Variants in RPS6KA3 observed in about 807,000 individuals in gnomAD.
RPS6KA3 encodes ribosomal protein S6 kinase alpha-3.
A neutral mutation model predicts 67.2 loss-of-function variants in RPS6KA3; 4 were observed. That is an observed-to-expected ratio of 0.06 (90% CI 0.03 to 0.14). The LOEUF is 0.14. Among genes scored for constraint, RPS6KA3 ranks in the 10% least tolerant of loss-of-function variants. RPS6KA3 has a pLI of 1.00. For missense variants in RPS6KA3, 204 were observed against 559.0 expected (o/e 0.36, Z 6.40); for synonymous variants, 182 against 183.7 (o/e 0.99, Z 0.07).
At chrX:20,169,812 A>C (rs1340452629) in intron 15 of RPS6KA3, among the ~76,000 whole-genome samples, 2 of 112,123 alleles carry the variant, frequency 1.8e-5, no homozygotes, top group Non-Finnish European at 3.8e-5. Context: ...CACAGTTAAC[A>C]TATCTTTTCT....
chrX:20,158,708 C>T (rs890914607), intron 20 of RPS6KA3, among the ~76,000 whole-genome samples: 5 of 111,800 alleles, frequency 4.5e-5, no homozygotes, highest in African/African-American at 1.3e-4. Flanking sequence ...CAAATCTATA[C>T]GTTAATGAGC....
At chrX:20,237,608 G>A (rs1330934629) in intron 1 of RPS6KA3, among the ~76,000 whole-genome samples, 1 of 110,947 alleles carries the variant, frequency 9.0e-6, no homozygotes, top group Non-Finnish European at 1.9e-5. Context: ...AAGGATACTT[G>A]TCCTATCTAC....
At chrX:20,212,848 CT>C (rs2148740917) in intron 2 of RPS6KA3, among the ~76,000 whole-genome samples, 1 of 112,032 alleles carries the variant, frequency 8.9e-6, no homozygotes, top group South Asian at 3.7e-4. Flanking sequence ...TTCATTCTTT[CT>C]TTTTCTATTT....
chrX:20,159,124 A>G (rs760482468), intron 20 of RPS6KA3, among the ~76,000 whole-genome samples: 1 of 112,334 alleles, frequency 8.9e-6, no homozygotes, highest in South Asian at 3.7e-4. Flanking sequence ...TTTCTTATGT[A>G]TAATAAACCA....
chrX:20,254,421 G>A (rs1569275477), intron 1 of RPS6KA3, among the ~76,000 whole-genome samples: 1 of 111,692 alleles, frequency 9.0e-6, no homozygotes, highest in Non-Finnish European at 1.9e-5. Context: ...TCTTTGTTGT[G>A]TTCCTCTAGG....
chrX:20,188,695 T>C (rs1166339510), intron 7 of RPS6KA3, among the ~76,000 whole-genome samples, 161 bp from the exon 8 acceptor site: 4 of 112,741 alleles, frequency 3.5e-5, no homozygotes, highest in East Asian at 5.6e-4. Context: ...AAATTATTTT[T>C]TGGACACACA....
At chrX:20,202,505 T>C (rs1055175628) in intron 4 of RPS6KA3, among the ~76,000 whole-genome samples, 1 of 111,833 alleles carries the variant, frequency 8.9e-6, no homozygotes, top group Non-Finnish European at 1.9e-5. Flanking sequence ...TGTTCCCTTA[T>C]TATTCTTCTT....
intron 15 of RPS6KA3, among the ~76,000 whole-genome samples, chrX:20,170,425 T>C (rs2067544199): frequency 9.0e-6 from 1 of 110,827 alleles, no homozygotes; most frequent in South Asian, 3.9e-4. Flanking sequence ...CAACACAGGT[T>C]TGAACTATGA....
In RPS6KA3 at chrX:20,190,869, CTTTT is replaced by C. The variant is rs1209937034; in HGVS notation, c.594-2339_594-2336del. Among the ~76,000 whole-genome samples, 5 of 102,919 alleles carry C rather than the reference CTTTT, an allele frequency of 4.9e-5. No homozygotes were observed. In the East Asian group the frequency reaches 8.9e-4, roughly 18 times the overall value. The allele number at this position is 102,919 out of a possible 115,157, so 89.4% of individuals were successfully genotyped here. A position where few individuals can be genotyped will look rare whatever the true frequency, so the allele number is the denominator to read the frequency against. ...ATACAGAATTTAAATTTTGTACTAA[CTTTT>C]TTTTTTTTTTATTATGCTTTAGGTT... On this transcript the variant is annotated intron_variant, in intron 7 of 21. Coordinates refer to ENST00000379565, the MANE Select transcript of RPS6KA3 (RefSeq NM_004586.3).
Position 20,177,102 on chromosome X carries a change from A to G in RPS6KA3, c.846-18T>C. ...GTTTGGCTCTAAATAATAAATCCAC[A>G]TAATATTTTATTTTTTGGAGGCATC... On this transcript the variant is annotated intron_variant, in intron 10 of 21. Transcript: ENST00000379565. The G allele has an allele frequency of 2.7e-6, 3 of 1,108,656 alleles. No individual in the cohort carries two copies. The highest frequency in any genetic ancestry group is 3.7e-6 in the Non-Finnish European group (3 of 804,393). 91.4% of individuals were successfully genotyped at this position (1,108,656 alleles called of 1,213,427 possible). A position where few individuals can be genotyped will look rare whatever the true frequency, so the allele number is the denominator to read the frequency against.
chrX:20,194,172 A>G lies in RPS6KA3; in HGVS notation c.486+17T>C. The G allele has an allele frequency of 9.7e-7, 1 of 1,034,912 alleles. No individual in the cohort carries two copies. The highest frequency in any genetic ancestry group is 1.4e-6 in the Non-Finnish European group (1 of 735,608). The allele number at this position is 1,034,912 out of a possible 1,213,427, so 85.3% of individuals were successfully genotyped here. Reference sequence around the variant, plus strand: ...GGATGCATGTAAATAGACTAAAAATAGAGATTAATTATATACCTCTTTGGA... The same window carrying G: ...GGATGCATGTAAATAGACTAAAAATGGAGATTAATTATATACCTCTTTGGA... On this transcript the variant is annotated intron_variant, in intron 6 of 21. Transcript: ENST00000379565.
At chrX:20,188,719 C>T (rs1459371406) in intron 7 of RPS6KA3, among the ~76,000 whole-genome samples, 185 bp from the exon 8 acceptor site, 1 of 112,268 alleles carries the variant, frequency 8.9e-6, no homozygotes, top group Non-Finnish European at 1.9e-5. Flanking sequence ...ATAACAAAGC[C>T]CAAAGGCAAT....
chrX:20,266,877 G>T lies in RPS6KA3; in HGVS notation c.-245C>A. ...CCCGCGCGCTGAGCGAGAGCCTCGC[G>T]CCTCCGCTGGGCACCGGGTCTCGCC... On this transcript the variant is annotated 5_prime_UTR_variant, in exon 1 of 22. Transcript: ENST00000379565. 1 of 492,242 alleles carries T rather than the reference G, an allele frequency of 2.0e-6. No homozygotes were observed. The highest frequency in any genetic ancestry group is 2.5e-6 in the Non-Finnish European group (1 of 399,406). The allele number at this position is 492,242 out of a possible 1,213,427, so 40.6% of individuals were successfully genotyped here. A position where few individuals can be genotyped will look rare whatever the true frequency, so the allele number is the denominator to read the frequency against.
At chrX:20,194,979 A>ATTTATTTATATTAG (rs1044463230) in intron 5 of RPS6KA3, 86 bp downstream of exon 5, 3 of 540,138 alleles carry the variant, frequency 5.6e-6, no homozygotes, top group Non-Finnish European at 9.6e-6. Flanking sequence ...ACAAATATAT[A>ATTTATTTATATTAG]TTTATTTATA....
rs1325953089 is a variant in RPS6KA3 at position 20,188,499 on chromosome X, G to T, written c.629C>A (p.Thr210Lys). The T allele has an allele frequency of 9.9e-7, 1 of 1,007,829 alleles. No individual in the cohort carries two copies. The highest frequency in any genetic ancestry group is 1.4e-6 in the Non-Finnish European group (1 of 718,403). The allele number at this position is 1,007,829 out of a possible 1,213,427, so 83.1% of individuals were successfully genotyped here. Residue 210 changes from threonine to lysine, a missense_variant and splice_region_variant, in exon 8 of 22, where the codon ACA becomes AAA. Transcript: ENST00000379565. ...LLDEEGHIKL[T>K]DFGLSKESID... ...TAAAACGAGGATTTTTTTTTTACCT[G>T]TTAACTTGATGTGACCTTCTTCATC...
At chrX:20,257,682 T>C (rs946185710) in intron 1 of RPS6KA3, among the ~76,000 whole-genome samples, 4 of 112,457 alleles carry the variant, frequency 3.6e-5, no homozygotes, top group African/African-American at 1.3e-4. Context: ...TGCAACACAA[T>C]ATTTAAACAA....
chrX:20,180,095 T>A (rs2067805059), intron 10 of RPS6KA3, among the ~76,000 whole-genome samples: 1 of 109,107 alleles, frequency 9.2e-6, no homozygotes, highest in South Asian at 3.9e-4. Context: ...TCTCCAAAAT[T>A]TAAACTTTTT....
Position 20,252,896 on chromosome X carries a change from A to G in RPS6KA3, c.69+13668T>C, listed in dbSNP as rs149578432. On this transcript the variant is annotated intron_variant, in intron 1 of 21. Coordinates refer to ENST00000379565, the MANE Select transcript of RPS6KA3 (RefSeq NM_004586.3). ...TGTGTTGAGAATCCTACCTCCAACC[A>G]TCTTGTTCTGCCTCGTTGATGTAAG... 5.6e-3 allele frequency among the ~76,000 whole-genome samples: 616 copies of G among 110,714 alleles called. 4 individuals carry two copies. The highest frequency in any genetic ancestry group is 0.019 in the African/African-American group (579 of 30,350).
At chrX:20,241,132 G>C (rs2069540442) in intron 1 of RPS6KA3, among the ~76,000 whole-genome samples, 1 of 110,480 alleles carries the variant, frequency 9.1e-6, no homozygotes, top group Admixed American at 9.6e-5. Flanking sequence ...TTCTAGATGA[G>C]GGTAGGAATG....
Sources: gnomAD v4.1 joint callset for allele counts (sites outside exome capture counted in the v4.1 genomes callset) on GRCh38, gnomAD v4.1.1 for gene constraint, MANE v1.5 for transcripts, NCBI Gene and HGNC (gene_info 2026-07-23, HGNC 2026-07-21) for gene names.